The following MYO7A variants were observed in gnomAD, a reference collection of about 807,000 sequenced individuals.
MYO7A encodes unconventional myosin-VIIa.
MYO7A carries 210 observed loss-of-function variants against 263.8 expected under a neutral mutation model. The ratio of observed to expected loss-of-function variants is 0.80; its 90% confidence interval spans 0.71 to 0.89. The LOEUF (loss-of-function observed/expected upper bound fraction) is 0.89, where lower values mean the gene tolerates loss of function less well. Ranked by LOEUF, MYO7A falls within the 40% of genes least tolerant of loss-of-function variation. The probability of loss-of-function intolerance (pLI) is 0.00; values close to 1 mark genes in which losing one functional copy is unlikely to be tolerated. For synonymous variants in MYO7A, 1,239 were observed against 1,197.3 expected (o/e 1.03, Z -0.72); for missense variants, 2,820 against 2,968.3 (o/e 0.95, Z 1.16).
chr11:77,147,805 G>A lies in MYO7A; in HGVS notation c.140G>A (p.Trp47Ter). The A allele has an allele frequency of 6.2e-7, 1 of 1,610,188 alleles. No individual in the cohort carries two copies. The highest frequency in any genetic ancestry group is 1.1e-5 in the South Asian group (1 of 89,926). The change falls in exon 4 of 49, where the codon TGG becomes TAG. Residue 47 changes from tryptophan (W) to a stop codon, truncating the protein, a stop_gained. Coordinates refer to ENST00000409709, the MANE Select transcript of MYO7A (RefSeq NM_000260.4). LOFTEE classifies it high-confidence loss of function. ...QVVDDEDNEH[W>*]ISPQNATHIK... ...CGTTCTGGCTCCCCGCAGGAACACT[G>A]GATCTCTCCGCAGAACGCAACGCAC...
Position 77,190,068 on chromosome 11 carries a change from T to A in MYO7A, c.3679T>A (p.Cys1227Ser). 1 of 1,577,268 alleles carries A rather than the reference T, an allele frequency of 6.3e-7. No individual in the cohort carries two copies. The highest frequency in any genetic ancestry group is 8.6e-7 in the Non-Finnish European group (1 of 1,162,200). ...HGGPPGYAPY[C>S]EERLRRTFVN... ...GGGCCCGCCCGGCTACGCCCCGTAC[T>A]GTGAGGAGCGCCTGAGAAGGACCTT... The change falls in exon 29 of 49, where the codon TGT becomes AGT. Residue 1227 changes from cysteine to serine, a missense_variant. By Grantham distance (112) the Cys-to-Ser change is moderately radical. Coordinates refer to ENST00000409709, the MANE Select transcript of MYO7A (RefSeq NM_000260.4).
chr11:77,164,564 A>G (rs1179364857), intron 14 of MYO7A, among the ~76,000 whole-genome samples: 1 of 152,178 alleles, frequency 6.6e-6, no homozygotes, highest in Non-Finnish European at 1.5e-5. Context: ...CCCTTACAAT[A>G]TTGGACTGTG....
intron 42 of MYO7A, among the ~76,000 whole-genome samples, chr11:77,207,809 G>C (rs1426783454): frequency 6.6e-6 from 1 of 152,210 alleles, no homozygotes; most frequent in African/African-American, 2.4e-5. Context: ...TAGGTAACTT[G>C]TCCAAGGTCA....
intron 21 of MYO7A, 39 bp downstream of exon 21, chr11:77,179,992 C>A: frequency 6.7e-7 from 1 of 1,494,462 alleles, no homozygotes; most frequent in Non-Finnish European, 8.9e-7. Context: ...GCTCTGACCC[C>A]TGGGCGAGGA....
chr11:77,148,804 T>A (rs1565322945), intron 4 of MYO7A, among the ~76,000 whole-genome samples: 1 of 152,206 alleles, frequency 6.6e-6, no homozygotes, highest in African/African-American at 2.4e-5. Context: ...AAATGACATT[T>A]CCCAAAATAA....
chr11:77,130,621 C>T lies in MYO7A; in HGVS notation c.-14C>T. The T allele has an allele frequency of 1.2e-6, 2 of 1,613,204 alleles. No individual in the cohort carries two copies. The highest frequency in any genetic ancestry group is 1.7e-6 in the Non-Finnish European group (2 of 1,179,634). On this transcript the variant is annotated 5_prime_UTR_variant, in exon 2 of 49. Transcript: ENST00000409709. Reference sequence around the variant, plus strand: ...CCTGGCCCAGTGGGCAGCAGGAGCTCCTGACTTGGGACCATGGTGATTCTT... The same window carrying T: ...CCTGGCCCAGTGGGCAGCAGGAGCTTCTGACTTGGGACCATGGTGATTCTT...
intron 22 of MYO7A, among the ~76,000 whole-genome samples, 159 bp from the exon 23 acceptor site, chr11:77,181,221 T>C (rs1955154002): frequency 6.6e-6 from 1 of 152,132 alleles, no homozygotes; most frequent in South Asian, 2.1e-4. Context: ...CTCTGAGTGG[T>C]CCAGAGGTGG....
At chr11:77,181,779 G>GTTTTTTTT (rs782689084) in intron 23 of MYO7A, among the ~76,000 whole-genome samples, 172 bp from the exon 24 acceptor site, 2 of 90,070 alleles carry the variant, frequency 2.2e-5, no homozygotes, top group East Asian at 3.6e-4. Context: ...TTTTTTTTTT[G>GTTTTTTTT]TTTTTTTTTT....
intron 42 of MYO7A, among the ~76,000 whole-genome samples, chr11:77,208,104 A>C (rs1957582667): frequency 6.6e-6 from 1 of 152,194 alleles, no homozygotes; most frequent in African/African-American, 2.4e-5. Context: ...GGGAGCCCAG[A>C]GCTGCAGGAG....
rs1346469022 is a variant in MYO7A at position 77,199,717 on chromosome 11, C to G, written c.4751C>G (p.Ser1584Cys). ...TIKGDEYTFT[S>C]SNAEDIRDLV... ...AAGGGGGACGAATACACCTTCACCT[C>G]CAGCAATGCTGAGGACATTCGTGAC... is the stretch of plus-strand genomic sequence containing the variant. Residue 1584 changes from serine (S) to cysteine (C), a missense_variant, in exon 35 of 49, where the codon TCC (serine) becomes TGC (cysteine). Ser to Cys is a moderately radical substitution (Grantham distance 112). Transcript: ENST00000409709. 1.2e-6 allele frequency: 2 copies of G among 1,613,696 alleles called. No individual in the cohort carries two copies. The highest frequency in any genetic ancestry group is 1.7e-6 in the Non-Finnish European group (2 of 1,179,842).
chr11:77,201,016 A>T (rs1169872722), intron 35 of MYO7A, among the ~76,000 whole-genome samples: 2 of 152,240 alleles, frequency 1.3e-5, no homozygotes, highest in Non-Finnish European at 2.9e-5. Flanking sequence ...AGCCCAGAGG[A>T]GAGGCCCCAT....
At position 77,142,443 on chromosome 11, in the gene MYO7A, G is replaced by C. The variant is rs1244589978; in HGVS notation, c.19-266G>C. 4 of 420,668 alleles carry C rather than the reference G, an allele frequency of 9.5e-6. No individual in the cohort carries two copies. The East Asian group carries it at 2.5e-4, about 26-fold the overall frequency. 26.1% of individuals were successfully genotyped at this position (420,668 alleles called of 1,614,324 possible). ...CATGGGGAGAGCTGGGCTTTGAGAG[G>C]CCTTGGCTCTCTCTGAGCCTCTGCT... is the stretch of plus-strand genomic sequence containing the variant. On this transcript the variant is annotated intron_variant, in intron 2 of 48. Transcript: ENST00000409709.
Position 77,215,044 on chromosome 11 carries a change from A to G in MYO7A, c.*348A>G. On this transcript the variant is annotated 3_prime_UTR_variant, in exon 49 of 49. Transcript: ENST00000409709. The stretch of plus-strand genomic sequence containing the variant: ...GACTTTCTGTGTACCACTGGGATAG[A>G]GGAATCAAGAGGACAATCTAGCTCT... 1 of 266,744 alleles carries G rather than the reference A, an allele frequency of 3.7e-6. No homozygotes were observed. Among genetic ancestry groups the G allele is most frequent in the Non-Finnish European group, 7.2e-6 (1 of 139,208 alleles). The allele number at this position is 266,744 out of a possible 1,614,324, so 16.5% of individuals were successfully genotyped here.
chr11:77,167,384 C>T (rs1953651194), intron 15 of MYO7A, among the ~76,000 whole-genome samples: 1 of 152,148 alleles, frequency 6.6e-6, no homozygotes, highest in Non-Finnish European at 1.5e-5. Context: ...CTCAGATAAC[C>T]TTGCAAGGCA....
intron 2 of MYO7A, among the ~76,000 whole-genome samples, chr11:77,136,262 A>G (rs1950899685): frequency 6.6e-6 from 1 of 152,082 alleles, no homozygotes; most frequent in Non-Finnish European, 1.5e-5. Context: ...ATCAGCCGAG[A>G]CTCATACTAA....
Position 77,179,124 on chromosome 11 carries a change from G to T in MYO7A, c.2362G>T (p.Gly788Trp). ...WRGHNCRKNY[G>W]LMRLGFLRLQ... ...GGGTCACAACTGTAGGAAGAACTAC[G>T]GGCTGGTGAGCCTCCCCATGGGCTG... The change falls in exon 20 of 49, where the codon GGG becomes TGG. Residue 788 changes from glycine (G) to tryptophan (W), a missense_variant. Gly to Trp is a radical substitution (Grantham distance 184). Transcript: ENST00000409709. 6.3e-7 allele frequency: 1 copy of T among 1,599,298 alleles called. No homozygotes were observed. Among genetic ancestry groups the T allele is most frequent in the Non-Finnish European group, 8.5e-7 (1 of 1,173,454 alleles).
intron 18 of MYO7A, 135 bp from the exon 19 acceptor site, chr11:77,177,414 C>A (rs1555080607): frequency 5.7e-6 from 4 of 700,328 alleles, no homozygotes; most frequent in Non-Finnish European, 9.8e-6. Flanking sequence ...GGGCCAGAGC[C>A]AGCTGGGAGC....
chr11:77,191,129 GGCTAAT>G (rs1416181899), intron 30 of MYO7A: 7 of 361,914 alleles, frequency 1.9e-5, no homozygotes, highest in African/African-American at 1.2e-4. Context: ...AGACCAGCCT[GGCTAAT>G]GTAGTGAAAC....
chr11:77,162,810 A>C, intron 13 of MYO7A, 43 bp from the exon 14 acceptor site: 1 of 1,596,366 alleles, frequency 6.3e-7, no homozygotes, highest in South Asian at 1.1e-5. Flanking sequence ...AGTGGGGCCC[A>C]TGGAGGAGAG....
Sources: gnomAD v4.1 joint callset for allele counts (sites outside exome capture counted in the v4.1 genomes callset) on GRCh38, gnomAD v4.1.1 for gene constraint, MANE v1.5 for transcripts, NCBI Gene and HGNC (gene_info 2026-07-23, HGNC 2026-07-21) for gene names.